The following UBXN7 variants were observed in gnomAD, a reference collection of about 807,000 sequenced individuals.
The protein encoded by UBXN7 is UBX domain-containing protein 7.
In UBXN7, 9 loss-of-function variants were observed where a neutral mutation model predicts 58.0. The ratio of observed to expected loss-of-function variants is 0.16; its 90% CI spans 0.09 to 0.27. The LOEUF (loss-of-function observed/expected upper bound fraction) is 0.27. Among genes scored for constraint, UBXN7 ranks in the 10% least tolerant of loss-of-function variants. UBXN7 has a pLI of 1.00. For synonymous variants in UBXN7, 208 were observed against 205.0 expected (o/e 1.01, Z -0.12); for missense variants, 328 against 599.6 (o/e 0.55, Z 4.73).
intron 2 of UBXN7, among the ~76,000 whole-genome samples, chr3:196,403,356 C>T (rs999647418): frequency 1.3e-5 from 2 of 152,030 alleles, no homozygotes; most frequent in Non-Finnish European, 2.9e-5. Flanking sequence ...GTGACAGGGT[C>T]GCGCCATGTT....
At position 196,353,303 on chromosome 3, in the gene UBXN7, A is replaced by ACGATTCTT. The variant is rs1031390280; in HGVS notation, c.*3374_*3381dup. 1.3e-5 allele frequency: 2 copies of ACGATTCTT among 152,202 alleles called. No homozygotes were observed. Among genetic ancestry groups the ACGATTCTT allele is most frequent in the African/African-American group, 4.8e-5 (2 of 41,446 alleles). 9.4% of individuals were successfully genotyped at this position (152,202 alleles called of 1,614,324 possible). A position where few individuals can be genotyped will look rare whatever the true frequency, so the allele number is the denominator to read the frequency against. Reference sequence around the variant, plus strand: ...CATGGGAAGAAAGTATACATTTTGTACGATTCTTCGGGAGATTGAAGAGGC... The same window carrying ACGATTCTT: ...CATGGGAAGAAAGTATACATTTTGTACGATTCTTCGATTCTTCGGGAGATTGAAGAGGC... On this transcript the variant is annotated 3_prime_UTR_variant, in exon 11 of 11. Transcript: ENST00000296328.
chr3:196,382,773 A>C (rs1268316502), intron 5 of UBXN7, among the ~76,000 whole-genome samples: 1 of 152,166 alleles, frequency 6.6e-6, no homozygotes. Context: ...ACATAGGCTC[A>C]AAATAAAGGG....
rs370015597 is a variant in UBXN7, at chr3:196,353,870, CTTTTT to C, written c.*2810_*2814del. On this transcript the variant is annotated 3_prime_UTR_variant, in exon 11 of 11. Coordinates refer to ENST00000296328, the MANE Select transcript of UBXN7 (RefSeq NM_015562.2). ...TCTTTCTTGTTCTTTTCCTCCCTAG[CTTTTT>C]TTTTTTAAACACTCCTTTCAAGCTG... 1 of 146,422 alleles carries C rather than the reference CTTTTT, an allele frequency of 6.8e-6. No individual in the cohort carries two copies. Among genetic ancestry groups the C allele is most frequent in the South Asian group, 2.2e-4 (1 of 4,640 alleles). 9.1% of individuals were successfully genotyped at this position (146,422 alleles called of 1,614,324 possible).
At chr3:196,374,558 C>G (rs1375927272) in intron 5 of UBXN7, among the ~76,000 whole-genome samples, 1 of 151,572 alleles carries the variant, frequency 6.6e-6, no homozygotes, top group Non-Finnish European at 1.5e-5. Context: ...AATTTTCAAA[C>G]AAAACAACAA....
chr3:196,407,423 T>TAAAAAAAAAAAAAAAAAAAA (rs74348613), intron 1 of UBXN7, 30 bp from the exon 2 acceptor site: 2 of 1,201,600 alleles, frequency 1.7e-6, no homozygotes, highest in Non-Finnish European at 1.1e-6. Flanking sequence ...GGAAAAACGT[T>TAAAAAAAAAAAAAAAAAAAA]AAAAAAAAAA....
intron 4 of UBXN7, among the ~76,000 whole-genome samples, chr3:196,392,982 C>T (rs887183810): frequency 6.6e-6 from 1 of 152,096 alleles, no homozygotes; most frequent in African/African-American, 2.4e-5. Flanking sequence ...TCTAAATAAA[C>T]TACAAAATCA....
intron 5 of UBXN7, among the ~76,000 whole-genome samples, chr3:196,375,183 CCA>C (rs56188527): frequency 0.09 from 12,517 of 139,626 alleles, 910 homozygotes; most frequent in African/African-American, 0.21. Context: ...GGTGCTCTTA[CCA>C]CACACACACA....
chr3:196,398,920 TTA>T (rs1429273327), intron 3 of UBXN7, among the ~76,000 whole-genome samples: 9 of 151,624 alleles, frequency 5.9e-5, no homozygotes, highest in African/African-American at 2.2e-4. Flanking sequence ...AGTGTTCGGA[TTA>T]CAGGTGTGAG....
At chr3:196,403,204 C>T (rs1664996247) in intron 2 of UBXN7, among the ~76,000 whole-genome samples, 185 bp from the exon 3 acceptor site, 1 of 152,138 alleles carries the variant, frequency 6.6e-6, no homozygotes, top group Non-Finnish European at 1.5e-5. Flanking sequence ...GTCGTCCAGG[C>T]TGGAGTGGAC....
intron 5 of UBXN7, among the ~76,000 whole-genome samples, chr3:196,374,284 G>A (rs929909577): frequency 6.0e-5 from 9 of 149,128 alleles, no homozygotes; most frequent in African/African-American, 1.5e-4. Flanking sequence ...TTTTTTTTTC[G>A]CTTTTAAAAA....
At chr3:196,377,737 G>A (rs1351678497) in intron 5 of UBXN7, among the ~76,000 whole-genome samples, 1 of 152,044 alleles carries the variant, frequency 6.6e-6, no homozygotes, top group Non-Finnish European at 1.5e-5. Flanking sequence ...CACCACCACA[G>A]CTCACTGCAG....
intron 1 of UBXN7, chr3:196,432,085 G>T (rs544800620): frequency 1.4e-4 from 89 of 632,208 alleles, no homozygotes; most frequent in Non-Finnish European, 2.4e-4. Flanking sequence ...CTGGCGGGGG[G>T]TTGGGGGATC....
chr3:196,415,565 G>T (rs550216429), intron 1 of UBXN7, among the ~76,000 whole-genome samples: 1 of 149,414 alleles, frequency 6.7e-6, no homozygotes, highest in East Asian at 2.1e-4. Context: ...CACGAGGTCA[G>T]GAGCTCAAGA....
At chr3:196,388,078 T>C (rs1729465246) in intron 5 of UBXN7, among the ~76,000 whole-genome samples, 1 of 151,732 alleles carries the variant, frequency 6.6e-6, no homozygotes, top group Non-Finnish European at 1.5e-5. Context: ...ATTAAGAAAA[T>C]GTGGCACATA....
rs1728183068 is a variant in UBXN7 at position 196,350,462 on chromosome 3, CT to C, written c.*6222del. 6.6e-6 allele frequency: 1 copy of C among 152,126 alleles called. No homozygotes were observed. The highest frequency in any genetic ancestry group is 2.4e-5 in the African/African-American group (1 of 41,418). The allele number at this position is 152,126 out of a possible 1,614,324, so 9.4% of individuals were successfully genotyped here. On this transcript the variant is annotated 3_prime_UTR_variant, in exon 11 of 11. Transcript: ENST00000296328. ...AAATGAAGATTGTTACATATTAAGA[CT>C]TTGAAATGGAATTTCTTAAACATAG...
chr3:196,420,828 T>C (rs1449937468), intron 1 of UBXN7, among the ~76,000 whole-genome samples: 1 of 152,114 alleles, frequency 6.6e-6, no homozygotes, highest in Non-Finnish European at 1.5e-5. Context: ...CTAATGCACA[T>C]TGTCTACACT....
At chr3:196,375,089 G>A (rs1287674748) in intron 5 of UBXN7, among the ~76,000 whole-genome samples, 2 of 150,778 alleles carry the variant, frequency 1.3e-5, no homozygotes, top group African/African-American at 4.9e-5. Flanking sequence ...TCTTGAATAA[G>A]TCTAGAGATC....
At chr3:196,420,709 CATCT>C (rs1730655702) in intron 1 of UBXN7, among the ~76,000 whole-genome samples, 2 of 152,076 alleles carry the variant, frequency 1.3e-5, no homozygotes, top group African/African-American at 4.8e-5. Context: ...TCCTTCTCTC[CATCT>C]GTTTTACACT....
At chr3:196,391,981 A>T in intron 4 of UBXN7, 56 bp from the exon 5 acceptor site, 1 of 638,420 alleles carries the variant, frequency 1.6e-6, no homozygotes, top group Non-Finnish European at 2.3e-6. Context: ...TCACACTGAA[A>T]AAAAAAAAAA....
Sources: allele counts gnomAD v4.1 joint callset (sites outside exome capture counted in the v4.1 genomes callset), GRCh38; gene constraint gnomAD v4.1.1; transcripts MANE v1.5; gene names NCBI Gene and HGNC (gene_info 2026-07-23, HGNC 2026-07-21).